NTNG2: variants seen among roughly 807,000 people sequenced by gnomAD.
NTNG2 encodes netrin-G2.
In NTNG2, 15 loss-of-function variants were observed where a neutral mutation model predicts 47.6. The observed-to-expected ratio is 0.32, with a 90% CI of 0.21 to 0.49. The LOEUF is 0.49. Ranked by LOEUF, NTNG2 falls within the 20% of genes least tolerant of loss-of-function variation. The probability of loss-of-function intolerance (pLI) is 0.99; values close to 1 mark genes in which losing one functional copy is unlikely to be tolerated. For missense variants in NTNG2, 578 were observed against 764.6 expected, an observed-to-expected ratio of 0.76 and a Z score of 2.88; for synonymous variants, 307 against 324.6, an observed-to-expected ratio of 0.95 and a Z score of 0.58.
chr9:132,196,346 A>G lies in NTNG2; in HGVS notation c.214-1620A>G, dbSNP rs1286288369. ...ACTGGGATTACAGGCATGCACCACCACGCCCGGGTAATTTTTTTGTATTTT... is the reference window on the plus strand; with the variant it reads ...ACTGGGATTACAGGCATGCACCACCGCGCCCGGGTAATTTTTTTGTATTTT... On this transcript the variant is annotated intron_variant, in intron 2 of 7. Transcript: ENST00000393229. Among the ~76,000 whole-genome samples the G allele has an allele frequency of 4.6e-5, 7 of 151,862 alleles. No individual in the cohort carries two copies. In the East Asian group the frequency reaches 1.4e-3, roughly 29 times the overall value.
intron 2 of NTNG2, among the ~76,000 whole-genome samples, chr9:132,183,815 C>T (rs971901374): frequency 6.6e-6 from 1 of 152,118 alleles, no homozygotes; most frequent in African/African-American, 2.4e-5. Flanking sequence ...ATCTGAGTCA[C>T]CTGCTGAGGG....
chr9:132,183,388 G>T (rs571161630), intron 2 of NTNG2, among the ~76,000 whole-genome samples: 2 of 152,276 alleles, frequency 1.3e-5, no homozygotes, highest in Non-Finnish European at 2.9e-5. Context: ...GCGTGCATGC[G>T]TTAACCCATT....
intron 2 of NTNG2, among the ~76,000 whole-genome samples, chr9:132,176,392 C>A (rs1421478671): frequency 6.6e-6 from 1 of 152,166 alleles, no homozygotes; most frequent in East Asian, 1.9e-4. Flanking sequence ...TACTTTTTGT[C>A]TCCATGAATT....
intron 5 of NTNG2, 106 bp from the exon 6 acceptor site, chr9:132,238,998 C>A: frequency 1.7e-6 from 2 of 1,194,380 alleles, no homozygotes; most frequent in Non-Finnish European, 2.5e-6. Flanking sequence ...CCAAAGATGC[C>A]TTCCTCCGTC....
At chr9:132,193,633 A>G (rs1838059718) in intron 2 of NTNG2, among the ~76,000 whole-genome samples, 2 of 152,242 alleles carry the variant, frequency 1.3e-5, no homozygotes, top group African/African-American at 4.8e-5. Flanking sequence ...GAGACCCCAG[A>G]GACATCCTCT....
At chr9:132,184,846 C>T (rs1398779424) in intron 2 of NTNG2, among the ~76,000 whole-genome samples, 3 of 152,164 alleles carry the variant, frequency 2.0e-5, no homozygotes, top group South Asian at 4.1e-4. Flanking sequence ...CACTTGAACC[C>T]GGGAGGCCGA....
At position 132,218,900 on chromosome 9, in the gene NTNG2, C is replaced by T. The variant is rs1329214652; in HGVS notation, c.858-7949C>T. Reference sequence around the variant, plus strand: ...AGCTGTAAGCCCTTCCCTGTTTCCACACATCCCGATCATTCATTCACTCAC... The same window carrying T: ...AGCTGTAAGCCCTTCCCTGTTTCCATACATCCCGATCATTCATTCACTCAC... On this transcript the variant is annotated intron_variant, in intron 3 of 7. Coordinates refer to ENST00000393229, the MANE Select transcript of NTNG2 (RefSeq NM_032536.4). This position sits in a 1 kb window ranked among gnomAD's most constrained non-coding sequence, Gnocchi z 5.4. Among the ~76,000 whole-genome samples, 2 of 152,266 alleles carry T rather than the reference C, an allele frequency of 1.3e-5. No individual in the cohort carries two copies. The highest frequency in any genetic ancestry group is 4.8e-5 in the African/African-American group (2 of 41,476).
intron 3 of NTNG2, among the ~76,000 whole-genome samples, chr9:132,205,740 G>A (rs1589461059): frequency 1.3e-5 from 2 of 152,216 alleles, no homozygotes; most frequent in Middle Eastern, 3.4e-3. Context: ...AATTACCTAG[G>A]TGTGGGAGCG....
intron 7 of NTNG2, chr9:132,241,488 T>C: frequency 3.1e-6 from 1 of 322,890 alleles, no homozygotes; most frequent in South Asian, 3.9e-5. Flanking sequence ...AAGACCGAGC[T>C]GGGGTTGGTT....
chr9:132,231,356 G>C lies in NTNG2; in HGVS notation c.1054+761G>C, dbSNP rs1010437455. 2.2e-6 allele frequency: 1 copy of C among 455,988 alleles called. No individual in the cohort carries two copies. Among genetic ancestry groups the C allele is most frequent in the African/African-American group, 2.0e-5 (1 of 50,060 alleles). The allele number at this position is 455,988 out of a possible 1,614,324, so 28.2% of individuals were successfully genotyped here. On this transcript the variant is annotated intron_variant, in intron 5 of 7. Transcript: ENST00000393229. The surrounding 1 kb of genome is among the most constrained non-coding windows in gnomAD (Gnocchi z 4.1). ...CTCTGCGAGGCAGCAGGAGAGGACT[G>C]GCCAATGTCAAAGAGCCAGCCGGGA...
rs1391661092 is a variant in NTNG2 at position 132,208,090 on chromosome 9, C to T, written c.857+9481C>T. ...CTGCACTCCAGCCTGGGCAACAGAG[C>T]GAGACCCTATCTCAAAACCCAGGGC... On this transcript the variant is annotated intron_variant, in intron 3 of 7. Coordinates refer to ENST00000393229, the MANE Select transcript of NTNG2 (RefSeq NM_032536.4). The surrounding 1 kb of genome is among the most constrained non-coding windows in gnomAD (Gnocchi z 4.0). 2.0e-5 allele frequency among the ~76,000 whole-genome samples: 3 copies of T among 152,000 alleles called. No individual in the cohort carries two copies. The highest frequency in any genetic ancestry group is 7.3e-5 in the African/African-American group (3 of 41,328).
At chr9:132,179,088 T>C (rs114075645) in intron 2 of NTNG2, among the ~76,000 whole-genome samples, 109 of 152,092 alleles carry the variant, frequency 7.2e-4, no homozygotes, top group African/African-American at 2.6e-3. Context: ...CTTCAGACCC[T>C]GGAGGCTCCA....
At chr9:132,167,896 C>T (rs1472519572) in intron 2 of NTNG2, among the ~76,000 whole-genome samples, 2 of 152,184 alleles carry the variant, frequency 1.3e-5, no homozygotes, top group African/African-American at 2.4e-5. Context: ...AAAGCAGGAG[C>T]GTCAGGGGAG....
At chr9:132,223,282 T>C (rs1009596913) in intron 3 of NTNG2, among the ~76,000 whole-genome samples, 2 of 152,178 alleles carry the variant, frequency 1.3e-5, no homozygotes, top group African/African-American at 4.8e-5. Context: ...CAGGGGCCGC[T>C]GTTTCCCCAC....
rs980361984 is a variant in NTNG2 at position 132,237,095 on chromosome 9, G to A, written c.1055-2009G>A. 2.6e-5 allele frequency among the ~76,000 whole-genome samples: 4 copies of A among 152,158 alleles called. No homozygotes were observed. The East Asian group carries it at 7.7e-4, about 29-fold the overall frequency. ...CAAGAAGGTCTTAGCAGGGCGCGGG[G>A]GTGTCAGGGGTTACAGAAGTCATTT... On this transcript the variant is annotated intron_variant, in intron 5 of 7. Coordinates refer to ENST00000393229, the MANE Select transcript of NTNG2 (RefSeq NM_032536.4).
At chr9:132,199,222 A>G (rs769073297) in intron 3 of NTNG2, among the ~76,000 whole-genome samples, 4 of 152,120 alleles carry the variant, frequency 2.6e-5, no homozygotes, top group Non-Finnish European at 5.9e-5. Context: ...GCTGACTGTG[A>G]GAAGTGCTCT....
chr9:132,195,770 A>G (rs1486138467), intron 2 of NTNG2, among the ~76,000 whole-genome samples: 1 of 151,484 alleles, frequency 6.6e-6, no homozygotes, highest in African/African-American at 2.4e-5. Flanking sequence ...CTAGGACCAC[A>G]GGTGTGCACC....
chr9:132,185,858 G>GGGAGGAGGAGGAGGAGTGGGA (rs1157704055), intron 2 of NTNG2, among the ~76,000 whole-genome samples: 4 of 148,648 alleles, frequency 2.7e-5, no homozygotes, highest in Non-Finnish European at 4.5e-5. Flanking sequence ...GAGGAGGAGT[G>GGGAGGAGGAGGAGGAGTGGGA]GGAGGAGGAG....
chr9:132,176,191 A>G (rs1379568471), intron 2 of NTNG2, among the ~76,000 whole-genome samples: 1 of 152,026 alleles, frequency 6.6e-6, no homozygotes, highest in Non-Finnish European at 1.5e-5. Context: ...TCTCAAAAAA[A>G]AAAAGTCTTA....
Sources: allele counts gnomAD v4.1 joint callset (sites outside exome capture counted in the v4.1 genomes callset), GRCh38; gene constraint gnomAD v4.1.1; non-coding constraint Gnocchi (gnomAD v3.1); transcripts MANE v1.5; gene names NCBI Gene and HGNC (gene_info 2026-07-23, HGNC 2026-07-21).